The following USP7 variants were observed in gnomAD, a reference collection of about 807,000 sequenced individuals.
USP7 encodes the protein ubiquitin specific peptidase 7, also known as ubiquitin C-terminal hydrolase 7.
In USP7, 9 loss-of-function variants were observed where a neutral mutation model predicts 162.9. The ratio of observed to expected loss-of-function variants is 0.06; its 90% CI spans 0.03 to 0.10. The LOEUF (loss-of-function observed/expected upper bound fraction) is 0.10. Among genes scored for constraint, USP7 ranks in the 10% least tolerant of loss-of-function variants. The probability of loss-of-function intolerance (pLI) is 1.00; values close to 1 mark genes in which losing one functional copy is unlikely to be tolerated. For missense variants in USP7, 715 were observed against 1,373.7 expected (o/e 0.52, Z 7.58); for synonymous variants, 562 against 475.9 (o/e 1.18, Z -2.35).
rs1353058389 is a variant in USP7, at chr16:8,893,933, A to C, written c.*65T>G. 3 of 1,463,516 alleles carry C rather than the reference A, an allele frequency of 2.0e-6. No homozygotes were observed. The highest frequency in any genetic ancestry group is 1.9e-6 in the Non-Finnish European group (2 of 1,044,124). 90.7% of individuals were successfully genotyped at this position (1,463,516 alleles called of 1,614,324 possible). On this transcript the variant is annotated 3_prime_UTR_variant, in exon 31 of 31. Coordinates refer to ENST00000344836, the MANE Select transcript of USP7 (RefSeq NM_003470.3). The stretch of plus-strand genomic sequence containing the variant: ...ACTTCGGCTAGAGGGCACGTGCACC[A>C]AAGTTCTAGGCTGTTAAGGGGCCAC...
intron 10 of USP7, 40 bp from the exon 11 acceptor site, chr16:8,910,867 C>A: frequency 2.0e-6 from 3 of 1,537,848 alleles, no homozygotes; most frequent in Non-Finnish European, 2.7e-6. Context: ...GCTAAAGCTT[C>A]ATTTATAATG....
At chr16:8,926,786 A>G (rs559193421) in intron 2 of USP7, among the ~76,000 whole-genome samples, 47 of 152,298 alleles carry the variant, frequency 3.1e-4, no homozygotes, top group African/African-American at 1.1e-3. Flanking sequence ...TCATTACCGC[A>G]TGCTTCTTTT....
At chr16:8,939,133 G>A (rs553871548) in intron 1 of USP7, among the ~76,000 whole-genome samples, 5 of 152,286 alleles carry the variant, frequency 3.3e-5, no homozygotes, top group South Asian at 4.1e-4. Flanking sequence ...ATGTACTTAC[G>A]TGTATTTAGT....
Position 8,892,395 on chromosome 16 carries a change from A to T in USP7, c.*1603T>A. On this transcript the variant is annotated 3_prime_UTR_variant, in exon 31 of 31. Coordinates refer to ENST00000344836, the MANE Select transcript of USP7 (RefSeq NM_003470.3). ...GAAGTTGAGAAAGGAAGTCACTCCA[A>T]GGTACACACTGGCCCAAAGACCAGG... is the stretch of plus-strand genomic sequence containing the variant. 6.6e-6 allele frequency: 1 copy of T among 152,518 alleles called. No individual in the cohort carries two copies. Among genetic ancestry groups the T allele is most frequent in the Non-Finnish European group, 1.5e-5 (1 of 68,168 alleles). 9.4% of individuals were successfully genotyped at this position (152,518 alleles called of 1,614,324 possible).
intron 1 of USP7, among the ~76,000 whole-genome samples, chr16:8,938,584 C>T (rs920740696): frequency 1.3e-5 from 2 of 151,972 alleles, no homozygotes; most frequent in African/African-American, 4.8e-5. Flanking sequence ...CGGTGGCAGG[C>T]ACCTGTAGTC....
chr16:8,963,154 G>A, intron 1 of USP7, 53 bp downstream of exon 1: 1 of 1,362,888 alleles, frequency 7.3e-7, no homozygotes. Context: ...GGCTCCCCCG[G>A]CCACAATGAA....
chr16:8,911,186 G>C (rs994178494), intron 10 of USP7, among the ~76,000 whole-genome samples: 1 of 152,200 alleles, frequency 6.6e-6, no homozygotes. Context: ...GCACAAATGT[G>C]AATGGCTGGC....
chr16:8,963,177 G>C, intron 1 of USP7, 30 bp downstream of exon 1: 1 of 1,394,678 alleles, frequency 7.2e-7, no homozygotes, highest in Non-Finnish European at 9.4e-7. Flanking sequence ...GCGCCCCCCG[G>C]CCCCGCCGCG....
intron 26 of USP7, 47 bp from the exon 27 acceptor site, chr16:8,895,788 T>G: frequency 8.0e-7 from 1 of 1,252,010 alleles, no homozygotes; most frequent in East Asian, 2.4e-5. Context: ...GTATATATAT[T>G]CACATAAAAA....
At chr16:8,941,122 G>A (rs1567240795) in intron 1 of USP7, among the ~76,000 whole-genome samples, 7 of 149,546 alleles carry the variant, frequency 4.7e-5, no homozygotes, top group Non-Finnish European at 9.1e-5. Context: ...ATTCACATGG[G>A]GCCCATGCCC....
In USP7 at chr16:8,903,248, T is replaced by C; in HGVS notation, c.1839+20A>G. ...ACGTTGGGAGCCACGGTGGGGTATA[T>C]CCACGGGACCGGTACGCACCATGGT... On this transcript the variant is annotated intron_variant, in intron 16 of 30. Transcript: ENST00000344836. 4 of 1,602,538 alleles carry C rather than the reference T, an allele frequency of 2.5e-6. No homozygotes were observed. Among genetic ancestry groups the C allele is most frequent in the Non-Finnish European group, 2.6e-6 (3 of 1,173,426 alleles).
chr16:8,940,165 A>G (rs868367296), intron 1 of USP7, among the ~76,000 whole-genome samples: 1 of 152,130 alleles, frequency 6.6e-6, no homozygotes, highest in Non-Finnish European at 1.5e-5. Context: ...ATGCTCTCAC[A>G]AACAGCTCTG....
At chr16:8,958,509 C>T (rs1436194794) in intron 1 of USP7, among the ~76,000 whole-genome samples, 8 of 152,168 alleles carry the variant, frequency 5.3e-5, no homozygotes, top group Admixed American at 5.2e-4. Flanking sequence ...GAAGCAGGAC[C>T]AAGAGGGAGG....
rs55635828 is a variant in USP7 at position 8,897,698 on chromosome 16, C to CA, written c.2719-600dup. Among the ~76,000 whole-genome samples the CA allele has an allele frequency of 4.8e-4, 17 of 35,604 alleles. 1 individual carries two copies. Among genetic ancestry groups the CA allele is most frequent in the Admixed American group, 6.2e-4 (1 of 1,622 alleles). The allele number at this position is 35,604 out of a possible 152,430, so 23.4% of individuals were successfully genotyped here. On this transcript the variant is annotated intron_variant, in intron 25 of 30. Transcript: ENST00000344836. ...GCAATATAGTGAGACCCTGTCTCTA[C>CA]AAAAAAAAAAAAAAAAAAAAAAAAA...
At chr16:8,916,647 A>C (rs1897385931) in intron 7 of USP7, 91 bp from the exon 8 acceptor site, 1 of 1,249,698 alleles carries the variant, frequency 8.0e-7, no homozygotes, top group Non-Finnish European at 1.1e-6. Context: ...TAAACTGGAT[A>C]ATCAGCTATT....
intron 18 of USP7, 23 bp from the exon 19 acceptor site, chr16:8,901,257 T>C: frequency 6.4e-7 from 1 of 1,559,974 alleles, no homozygotes; most frequent in African/African-American, 1.4e-5. Context: ...TAAACAAGTT[T>C]TGTTAAGATC....
At chr16:8,962,717 C>A in intron 1 of USP7, 1 of 180,810 alleles carries the variant, frequency 5.5e-6, no homozygotes, top group South Asian at 9.0e-5. Context: ...CTAGGCAGTG[C>A]TGTTAGAAAG....
intron 2 of USP7, chr16:8,929,334 T>C: frequency 8.0e-6 from 3 of 376,632 alleles, no homozygotes; most frequent in South Asian, 3.9e-5. Flanking sequence ...ACTCCACAGG[T>C]AACAAAGCAG....
At chr16:8,956,130 A>G (rs1433288635) in intron 1 of USP7, among the ~76,000 whole-genome samples, 2 of 152,326 alleles carry the variant, frequency 1.3e-5, no homozygotes, top group Middle Eastern at 3.4e-3. Context: ...TGTCCTCCCA[A>G]TATCGGGATG....
Sources: gnomAD v4.1 joint callset for allele counts (sites outside exome capture counted in the v4.1 genomes callset) on GRCh38, gnomAD v4.1.1 for gene constraint, MANE v1.5 for transcripts, NCBI Gene and HGNC (gene_info 2026-07-23, HGNC 2026-07-21) for gene names.